The following FGF12 variants were observed in gnomAD, a reference collection of about 807,000 sequenced individuals.
FGF12 encodes the protein fibroblast growth factor 12B.
Under a neutral mutation model 23.6 loss-of-function variants are expected in FGF12, and 14 were observed. The observed-to-expected ratio is 0.59, with a 90% CI of 0.39 to 0.93. The LOEUF (loss-of-function observed/expected upper bound fraction) is 0.93, where lower values mean the gene tolerates loss of function less well. Ranked by LOEUF, FGF12 falls within the 40% of genes least tolerant of loss-of-function variation. The probability of loss-of-function intolerance (pLI) is 0.00; values close to 1 mark genes in which losing one functional copy is unlikely to be tolerated. For missense variants in FGF12, 175 were observed against 217.8 expected (o/e 0.80, Z 1.24); for synonymous variants, 62 against 77.3 (o/e 0.80, Z 1.04).
chr3:192,354,217 G>A (rs1718362599), intron 3 of FGF12, among the ~76,000 whole-genome samples: 1 of 152,164 alleles, frequency 6.6e-6, no homozygotes, highest in Non-Finnish European at 1.5e-5. Flanking sequence ...TCTAATGAAA[G>A]TGTATTTGTA....
At chr3:192,533,791 T>C (rs1725154743) in intron 2 of FGF12, among the ~76,000 whole-genome samples, 1 of 152,210 alleles carries the variant, frequency 6.6e-6, no homozygotes, top group Non-Finnish European at 1.5e-5. Context: ...CTCCATAGGC[T>C]AGAAAGTCCA....
chr3:192,289,853 C>G (rs1714661813), intron 4 of FGF12, among the ~76,000 whole-genome samples: 1 of 152,080 alleles, frequency 6.6e-6, no homozygotes, highest in Non-Finnish European at 1.5e-5. Context: ...AGATATGAAA[C>G]CCAGTTATAA....
At chr3:192,249,042 T>TTA (rs1254039002) in intron 4 of FGF12, among the ~76,000 whole-genome samples, 2 of 152,276 alleles carry the variant, frequency 1.3e-5, no homozygotes, top group African/African-American at 4.8e-5. Context: ...ATGACTAAAA[T>TTA]GAAACTGCTT....
intron 4 of FGF12, among the ~76,000 whole-genome samples, chr3:192,243,573 T>C (rs1350998675): frequency 6.6e-6 from 1 of 151,086 alleles, no homozygotes; most frequent in Non-Finnish European, 1.5e-5. Context: ...CTTTACAGTA[T>C]ATCCAACTTA....
chr3:192,505,399 C>T (rs1272036131), intron 2 of FGF12, among the ~76,000 whole-genome samples: 2 of 152,124 alleles, frequency 1.3e-5, no homozygotes, highest in Non-Finnish European at 2.9e-5. Flanking sequence ...CCAAATATTT[C>T]AATATATGTA....
intron 2 of FGF12, among the ~76,000 whole-genome samples, chr3:192,630,622 G>A (rs376645407): frequency 1.3e-5 from 2 of 148,454 alleles, no homozygotes; most frequent in Admixed American, 1.4e-4. Flanking sequence ...GCGCGATCTC[G>A]GCTCACTGCA....
At chr3:192,703,832 G>C (rs778764316) in intron 2 of FGF12, among the ~76,000 whole-genome samples, 4 of 152,174 alleles carry the variant, frequency 2.6e-5, no homozygotes, top group African/African-American at 7.2e-5. Flanking sequence ...GTGTTTGACA[G>C]TTCCTCCTAC....
intron 2 of FGF12, among the ~76,000 whole-genome samples, chr3:192,557,808 A>G (rs1380114856): frequency 6.6e-6 from 1 of 151,902 alleles, no homozygotes; most frequent in Non-Finnish European, 1.5e-5. Flanking sequence ...AACAAAATGA[A>G]GGGTAATAAC....
At chr3:192,173,939 T>G (rs1325343565) in intron 4 of FGF12, among the ~76,000 whole-genome samples, 1 of 152,206 alleles carries the variant, frequency 6.6e-6, no homozygotes, top group Non-Finnish European at 1.5e-5. Flanking sequence ...CTAAAGCTCA[T>G]GACAGCGAAA....
intron 2 of FGF12, among the ~76,000 whole-genome samples, chr3:192,714,891 C>A (rs972297148): frequency 6.6e-6 from 1 of 152,136 alleles, no homozygotes; most frequent in Non-Finnish European, 1.5e-5. Context: ...GAATACTAGT[C>A]TATAAGTTTC....
chr3:192,549,583 T>C (rs1437822810), intron 2 of FGF12, among the ~76,000 whole-genome samples: 1 of 151,936 alleles, frequency 6.6e-6, no homozygotes, highest in Admixed American at 6.6e-5. Flanking sequence ...TGCCCAGAAA[T>C]TTGGCCAAAC....
At chr3:192,296,258 C>T (rs1715036752) in intron 4 of FGF12, among the ~76,000 whole-genome samples, 1 of 150,422 alleles carries the variant, frequency 6.6e-6, no homozygotes, top group South Asian at 2.1e-4. Context: ...GGGTCTCACT[C>T]TGTCACCCAG....
At chr3:192,609,681 G>A (rs1714479742) in intron 2 of FGF12, among the ~76,000 whole-genome samples, 1 of 152,040 alleles carries the variant, frequency 6.6e-6, no homozygotes, top group South Asian at 2.1e-4. Context: ...TAGTTGTTAT[G>A]GCCTCATATG....
At chr3:192,580,055 C>T (rs1309539797) in intron 2 of FGF12, among the ~76,000 whole-genome samples, 1 of 152,192 alleles carries the variant, frequency 6.6e-6, no homozygotes, top group Non-Finnish European at 1.5e-5. Context: ...AACTTACAAT[C>T]TGGGAGGGAG....
intron 4 of FGF12, among the ~76,000 whole-genome samples, chr3:192,258,853 G>T (rs770935978): frequency 1.3e-5 from 2 of 152,146 alleles, no homozygotes; most frequent in East Asian, 3.8e-4. Flanking sequence ...ATGATATGCT[G>T]TCATCAATGC....
At chr3:192,453,345 C>G (rs1217217361) in intron 2 of FGF12, among the ~76,000 whole-genome samples, 1 of 151,978 alleles carries the variant, frequency 6.6e-6, no homozygotes, top group Non-Finnish European at 1.5e-5. Context: ...ATAAATTTTA[C>G]TTTTAAAATA....
At chr3:192,447,739 A>C (rs947548961) in intron 2 of FGF12, among the ~76,000 whole-genome samples, 1 of 152,184 alleles carries the variant, frequency 6.6e-6, no homozygotes, top group Non-Finnish European at 1.5e-5. Flanking sequence ...TTAAAAACTT[A>C]AGTTTTACCC....
chr3:192,682,033 C>T (rs1214436415), intron 2 of FGF12, among the ~76,000 whole-genome samples: 1 of 152,120 alleles, frequency 6.6e-6, no homozygotes, highest in Non-Finnish European at 1.5e-5. Context: ...GAATGGTTTG[C>T]CCATCATTTT....
chr3:192,623,707 G>C (rs1263935850), intron 2 of FGF12, among the ~76,000 whole-genome samples: 2 of 152,172 alleles, frequency 1.3e-5, no homozygotes, highest in Non-Finnish European at 2.9e-5. Flanking sequence ...CTGCAGTGCA[G>C]ATTCAGCAGA....
Sources: allele counts gnomAD v4.1 joint callset (sites outside exome capture counted in the v4.1 genomes callset), GRCh38; gene constraint gnomAD v4.1.1; transcripts MANE v1.5; gene names NCBI Gene and HGNC (gene_info 2026-07-23, HGNC 2026-07-21).